The following SPINK9 variants were observed in gnomAD, a reference collection of about 807,000 sequenced individuals.
The protein encoded by SPINK9 is serine protease inhibitor Kazal-type 9.
SPINK9 carries 3 observed loss-of-function variants against 10.8 expected under a neutral mutation model. The observed-to-expected ratio is 0.28, with a 90% CI of 0.13 to 0.72. The LOEUF (loss-of-function observed/expected upper bound fraction) is 0.72. Ranked by LOEUF, SPINK9 falls within the 30% of genes least tolerant of loss-of-function variation. SPINK9 has a pLI of 0.74. For missense variants in SPINK9, 101 were observed against 103.2 expected (o/e 0.98, Z 0.09); for synonymous variants, 30 against 31.2 (o/e 0.96, Z 0.12).
chr5:148,333,079 A>T (rs776053597), upstream of SPINK9, among the ~76,000 whole-genome samples: 1 of 152,184 alleles, frequency 6.6e-6, no homozygotes, highest in Non-Finnish European at 1.5e-5. Context: ...GGAACTTCTC[A>T]TCTGGACTAG....
At chr5:148,324,225 G>C (rs1429201195) in intron 2 of SPINK9, among the ~76,000 whole-genome samples, 2 of 151,946 alleles carry the variant, frequency 1.3e-5, no homozygotes, top group African/African-American at 4.8e-5. Flanking sequence ...AAGTGAAAAG[G>C]AGAATGTATA....
chr5:148,338,188 G>A (rs888495551), intron 2 of SPINK9, among the ~76,000 whole-genome samples: 1 of 152,002 alleles, frequency 6.6e-6, no homozygotes, highest in Non-Finnish European at 1.5e-5. Flanking sequence ...TTGAGAATAT[G>A]CCATGTATTT....
At chr5:148,335,326 G>A (rs112302244), upstream of SPINK9, among the ~76,000 whole-genome samples, 3 of 152,298 alleles carry the variant, frequency 2.0e-5, no homozygotes, top group African/African-American at 7.2e-5. Flanking sequence ...GATTATGTAC[G>A]TAATTGTAGT....
chr5:148,330,847 G>A (rs1479124075), upstream of SPINK9, among the ~76,000 whole-genome samples: 1 of 152,132 alleles, frequency 6.6e-6, no homozygotes, highest in Non-Finnish European at 1.5e-5. Flanking sequence ...ACTCTCTTCT[G>A]GCTTATAGAG....
upstream of SPINK9, among the ~76,000 whole-genome samples, chr5:148,330,922 C>T (rs1757140118): frequency 6.6e-6 from 1 of 152,172 alleles, no homozygotes; most frequent in African/African-American, 2.4e-5. Context: ...GTGCTGTTTG[C>T]TAAGCCCGAT....
At chr5:148,334,430 G>A (rs1757189077), upstream of SPINK9, among the ~76,000 whole-genome samples, 1 of 152,182 alleles carries the variant, frequency 6.6e-6, no homozygotes, top group Non-Finnish European at 1.5e-5. Flanking sequence ...GAGTCTTTCG[G>A]TTGGGCACAG....
intron 2 of SPINK9, among the ~76,000 whole-genome samples, chr5:148,329,246 G>A (rs947005496): frequency 1.3e-5 from 2 of 152,184 alleles, no homozygotes; most frequent in Non-Finnish European, 2.9e-5. Context: ...GAGTGTATGT[G>A]TTGAAGAATT....
chr5:148,321,792 T>C (rs1275714912), intron 1 of SPINK9, among the ~76,000 whole-genome samples: 9 of 152,314 alleles, frequency 5.9e-5, no homozygotes, highest in Middle Eastern at 3.4e-3. Flanking sequence ...AAAAGCATTG[T>C]TTCCCAATGA....
intron 2 of SPINK9, among the ~76,000 whole-genome samples, chr5:148,325,667 T>A (rs913440252): frequency 6.6e-6 from 1 of 152,152 alleles, no homozygotes; most frequent in Non-Finnish European, 1.5e-5. Context: ...ATAAGATACA[T>A]GATTTGCAAA....
intron 1 of SPINK9, among the ~76,000 whole-genome samples, chr5:148,322,300 C>T (rs1461379583): frequency 6.6e-6 from 1 of 152,122 alleles, no homozygotes; most frequent in Non-Finnish European, 1.5e-5. Context: ...GTGTGTGGTA[C>T]ACATAGAAAA....
chr5:148,323,207 A>G (rs889099599), intron 1 of SPINK9, among the ~76,000 whole-genome samples: 3 of 152,166 alleles, frequency 2.0e-5, no homozygotes, highest in African/African-American at 7.2e-5. Flanking sequence ...GATACTGTCT[A>G]AAGATGATGA....
At chr5:148,325,694 G>C (rs1192046150) in intron 2 of SPINK9, among the ~76,000 whole-genome samples, 2 of 151,998 alleles carry the variant, frequency 1.3e-5, no homozygotes, top group African/African-American at 2.4e-5. Flanking sequence ...CTCTCATTCT[G>C]TGAGCTGTCC....
chr5:148,338,634 AT>A, intron 3 of SPINK9, 29 bp downstream of exon 3: 1 of 1,493,752 alleles, frequency 6.7e-7, no homozygotes, highest in Non-Finnish European at 9.2e-7. Flanking sequence ...TCTTTTTCAT[AT>A]TTAAGGTAAA....
intron 1 of SPINK9, among the ~76,000 whole-genome samples, chr5:148,321,603 T>C (rs1364389215): frequency 6.6e-6 from 1 of 152,102 alleles, no homozygotes; most frequent in Non-Finnish European, 1.5e-5. Context: ...CCTCTTTTCA[T>C]TATGCCACCC....
At chr5:148,321,847 G>A (rs1757003583) in intron 1 of SPINK9, among the ~76,000 whole-genome samples, 1 of 152,060 alleles carries the variant, frequency 6.6e-6, no homozygotes, top group Admixed American at 6.6e-5. Flanking sequence ...ATTTGTATGA[G>A]TAAAAATAAA....
rs767106936 is a variant in SPINK9, at chr5:148,336,411, T to C, written c.56-11T>C. The C allele has an allele frequency of 1.9e-6, 3 of 1,613,308 alleles. No individual in the cohort carries two copies. Among genetic ancestry groups the C allele is most frequent in the Admixed American group, 3.3e-5 (2 of 59,950 alleles). The stretch of plus-strand genomic sequence containing the variant: ...GAGTTTAATATTGCCTTGTCTTTGT[T>C]TTTCTTCCAGGTATAGAATGTGCCA... On this transcript the variant is annotated splice_polypyrimidine_tract_variant and intron_variant, in intron 1 of 3. Transcript: ENST00000377906.
At chr5:148,334,629 T>C (rs1008013202), upstream of SPINK9, among the ~76,000 whole-genome samples, 3 of 151,810 alleles carry the variant, frequency 2.0e-5, no homozygotes, top group Admixed American at 6.6e-5. Context: ...GAAAATCCCT[T>C]GAACACAGAA....
intron 3 of SPINK9, among the ~76,000 whole-genome samples, chr5:148,339,274 G>A (rs1757257510): frequency 6.6e-6 from 1 of 151,678 alleles, no homozygotes; most frequent in Non-Finnish European, 1.5e-5. Context: ...AAAAACATAT[G>A]GGTCATTTTA....
intron 2 of SPINK9, among the ~76,000 whole-genome samples, chr5:148,327,397 G>T (rs1195331495): frequency 1.3e-5 from 2 of 152,036 alleles, no homozygotes; most frequent in Non-Finnish European, 2.9e-5. Flanking sequence ...TGCAGATTCT[G>T]GATATTAGCC....
Sources: allele counts gnomAD v4.1 joint callset (sites outside exome capture counted in the v4.1 genomes callset), GRCh38; gene constraint gnomAD v4.1.1; transcripts MANE v1.5; gene names NCBI Gene and HGNC (gene_info 2026-07-23, HGNC 2026-07-21).